The following RBM15 variants were observed in gnomAD, a reference collection of about 807,000 sequenced individuals.
RBM15 encodes the protein RNA binding motif protein 15, also known as RNA-binding protein 15.
RBM15 carries 8 observed loss-of-function variants against 62.6 expected under a neutral mutation model. The observed-to-expected ratio is 0.13, with a 90% CI of 0.07 to 0.23. The LOEUF is 0.23. RBM15 is among the 10% of genes least tolerant of loss of function. The pLI is 1.00. For synonymous variants in RBM15, 606 were observed against 505.7 expected (o/e 1.20, Z -2.66); for missense variants, 1,144 against 1,286.5 (o/e 0.89, Z 1.69).
At position 110,340,005 on chromosome 1, in the gene RBM15, A is replaced by G. The variant is rs61746123; in HGVS notation, c.600A>G (p.Val200=). The change falls in exon 1 of 3, where the codon GTA becomes GTG. Residue 200 remains valine, a synonymous_variant. Transcript: ENST00000369784. This position sits in a 1 kb window ranked among gnomAD's most constrained non-coding sequence, Gnocchi z 5.8. ...ATGAGTTCAAACGCTTCGGTGATGTAAGTGTGAAAATCAGTCATCTGTCGG... is the reference window on the plus strand; with the variant it reads ...ATGAGTTCAAACGCTTCGGTGATGTGAGTGTGAAAATCAGTCATCTGTCGG... ...LFHEFKRFGD[V]SVKISHLSGS... 3.3e-3 allele frequency: 5,298 copies of G among 1,614,084 alleles called. 18 individuals are homozygous for G. The highest frequency in any genetic ancestry group is 3.7e-3 in the Non-Finnish European group (4,400 of 1,180,000).
At chr1:110,344,503 G>A (rs1171042610) in intron 1 of RBM15, among the ~76,000 whole-genome samples, 1 of 151,930 alleles carries the variant, frequency 6.6e-6, no homozygotes, top group East Asian at 1.9e-4. Flanking sequence ...TGCCGCTTTT[G>A]TTAGGTCTGG....
In RBM15 at chr1:110,339,401, G is replaced by C; in HGVS notation, c.-5G>C. On this transcript the variant is annotated 5_prime_UTR_variant, in exon 1 of 3. Coordinates refer to ENST00000369784, the MANE Select transcript of RBM15 (RefSeq NM_022768.5). ...TGAGACTGTAGAAGAGAGAGCAATT[G>C]GCCAATGAGGACTGCGGGGCGGGAC... The C allele has an allele frequency of 6.6e-7, 1 of 1,510,606 alleles. No homozygotes were observed. Among genetic ancestry groups the C allele is most frequent in the Non-Finnish European group, 8.9e-7 (1 of 1,129,322 alleles). The allele number at this position is 1,510,606 out of a possible 1,614,324, so 93.6% of individuals were successfully genotyped here. A position where few individuals can be genotyped will look rare whatever the true frequency, so the allele number is the denominator to read the frequency against.
At chr1:110,343,692 C>CT (rs1660846423) in intron 1 of RBM15, among the ~76,000 whole-genome samples, 2 of 152,084 alleles carry the variant, frequency 1.3e-5, no homozygotes, top group African/African-American at 4.8e-5. Context: ...AAGACTTCAG[C>CT]TAAGGCCCTT....
At position 110,341,992 on chromosome 1, in the gene RBM15, G is replaced by A. The variant is rs779571058; in HGVS notation, c.2587G>A (p.Val863Met). 1 of 1,614,218 alleles carries A rather than the reference G, an allele frequency of 6.2e-7. No individual in the cohort carries two copies. Among genetic ancestry groups the A allele is most frequent in the Non-Finnish European group, 8.5e-7 (1 of 1,180,048 alleles). ...CAATGGTTATGCCATTCTTTTGGCT[G>A]TGCCTGGAAGTTCTGACAGCCGGTC... ...GPNGYAILLAVPGSSDSRSSS... is the reference protein window; with the variant it reads ...GPNGYAILLAMPGSSDSRSSS... The change falls in exon 1 of 3, where the codon GTG becomes ATG. Residue 863 changes from valine to methionine, a missense_variant. Physicochemically the swap from Val to Met is conservative, Grantham distance 21. Around this residue, in one of 8 missense-constraint regions of RBM15, gnomAD observed 144 missense variants for 223.3 expected, o/e 0.64. Coordinates refer to ENST00000369784, the MANE Select transcript of RBM15 (RefSeq NM_022768.5). This position sits in a 1 kb window ranked among gnomAD's most constrained non-coding sequence, Gnocchi z 4.5.
Position 110,339,713 on chromosome 1 carries a change from C to T in RBM15, c.308C>T (p.Ser103Phe). 6.2e-7 allele frequency: 1 copy of T among 1,612,964 alleles called. No individual in the cohort carries two copies. The highest frequency in any genetic ancestry group is 8.5e-7 in the Non-Finnish European group (1 of 1,179,862). The change falls in exon 1 of 3, where the codon TCC (serine) becomes TTC (phenylalanine). Residue 103 changes from serine to phenylalanine, a missense_variant. Transcript: ENST00000369784. ...CGGCGGAGTCTCCACCTGGACAAGT[C>T]CAGCAGTCGAGGTGGCAGCCGCGAG... is the stretch of plus-strand genomic sequence containing the variant. ...GSRRSLHLDK[S>F]SSRGGSREYD... is the part of the protein sequence containing the mutation.
At position 110,341,678 on chromosome 1, in the gene RBM15, C is replaced by G; in HGVS notation, c.2273C>G (p.Thr758Ser). Residue 758 changes from threonine to serine, a missense_variant, in exon 1 of 3, where the codon ACT (threonine) becomes AGT (serine). This residue lies in a region of RBM15 where 360 missense variants were observed against 342.9 expected (regional missense o/e 1.05). Coordinates refer to ENST00000369784, the MANE Select transcript of RBM15 (RefSeq NM_022768.5). This position sits in a 1 kb window ranked among gnomAD's most constrained non-coding sequence, Gnocchi z 4.5. ...GATGGGAGTGCACCTAGCACCAGCA[C>G]TGCTTCCTCCAAGCTGAAGTCCCCG... Reference protein sequence around the residue: ...RSDGSAPSTSTASSKLKSPSQ... With the variant: ...RSDGSAPSTSSASSKLKSPSQ... 14 of 1,614,192 alleles carry G rather than the reference C, an allele frequency of 8.7e-6. No homozygotes were observed. The highest frequency in any genetic ancestry group is 1.2e-5 in the Non-Finnish European group (14 of 1,180,038).
At position 110,346,399 on chromosome 1, in the gene RBM15, G is replaced by A; in HGVS notation, c.*132G>A. On this transcript the variant is annotated 3_prime_UTR_variant, in exon 3 of 3. Coordinates refer to ENST00000369784, the MANE Select transcript of RBM15 (RefSeq NM_022768.5). Reference sequence around the variant, plus strand: ...GTTGTGGCTTATGTGGAGTTTACATGGGCCTCTGATGGAAGAAAGCTAATC... The same window carrying A: ...GTTGTGGCTTATGTGGAGTTTACATAGGCCTCTGATGGAAGAAAGCTAATC... The A allele has an allele frequency of 1.3e-6, 2 of 1,539,780 alleles. No homozygotes were observed. The highest frequency in any genetic ancestry group is 2.2e-5 in the South Asian group (2 of 89,426).
At position 110,339,648 on chromosome 1, in the gene RBM15, T is replaced by C. The variant is rs529936420; in HGVS notation, c.243T>C (p.Asn81=). The part of the protein sequence containing the change: ...SKKLGGSGGS[N]GSSSGKTDSG... ...AGTTAGGGGGCTCTGGTGGCAGCAA[T>C]GGGAGCAGCAGCGGAAAGACCGATA... The change falls in exon 1 of 3, where the codon AAT becomes AAC. Residue 81 remains asparagine, a synonymous_variant. Transcript: ENST00000369784. 49 of 1,613,146 alleles carry C rather than the reference T, an allele frequency of 3.0e-5. 1 individual carries two copies. In the South Asian group the frequency reaches 4.9e-4, roughly 16 times the overall value.
rs377259804 is a variant in RBM15, at chr1:110,341,719, G to C, written c.2314G>C (p.Gly772Arg). The C allele has an allele frequency of 3.1e-6, 5 of 1,614,146 alleles. No individual in the cohort carries two copies. The highest frequency in any genetic ancestry group is 1.7e-5 in the Admixed American group (1 of 60,032). ...KLKSPSQKQD[G>R]GTAPVASASP... ...GAAGTCCCCGTCCCAGAAACAGGAT[G>C]GGGGGACAGCCCCTGTGGCATCAGC... Residue 772 changes from glycine (G) to arginine (R), a missense_variant, in exon 1 of 3, where the codon GGG becomes CGG. By Grantham distance (125) the Gly-to-Arg change is moderately radical. Coordinates refer to ENST00000369784, the MANE Select transcript of RBM15 (RefSeq NM_022768.5). This position sits in a 1 kb window ranked among gnomAD's most constrained non-coding sequence, Gnocchi z 4.5.
In RBM15 at chr1:110,341,243, G is replaced by T. The variant is rs913982595; in HGVS notation, c.1838G>T (p.Ser613Ile). Residue 613 changes from serine (S) to isoleucine (I), a missense_variant, in exon 1 of 3, where the codon AGC (serine) becomes ATC (isoleucine). By Grantham distance (142) the Ser-to-Ile change is moderately radical (BLOSUM62 -2). This residue lies in a region of RBM15 where 360 missense variants were observed against 342.9 expected (regional missense o/e 1.05). Coordinates refer to ENST00000369784, the MANE Select transcript of RBM15 (RefSeq NM_022768.5). The surrounding 1 kb of genome is among the most constrained non-coding windows in gnomAD (Gnocchi z 4.5). ...GTGCCTGCTTACGAGCCACTGGATA[G>T]CCTAGATCGCAGGCGGGATGGTTGG... is the stretch of plus-strand genomic sequence containing the variant. ...TSVPAYEPLD[S>I]LDRRRDGWSL... The T allele has an allele frequency of 8.7e-6, 14 of 1,614,148 alleles. No homozygotes were observed. The highest frequency in any genetic ancestry group is 1.1e-5 in the Non-Finnish European group (13 of 1,180,030).
In RBM15 at chr1:110,345,654, C is replaced by A. The variant is rs1660883450; in HGVS notation, c.*40+5C>A. On this transcript the variant is annotated splice_donor_5th_base_variant and intron_variant, in intron 2 of 2. Coordinates refer to ENST00000369784, the MANE Select transcript of RBM15 (RefSeq NM_022768.5). The stretch of plus-strand genomic sequence containing the variant: ...AAAGGGAGGAAATGATTTCAGGTAA[C>A]CACAGTGAAATGTTAAGCTGAATGA... The A allele has an allele frequency of 6.6e-7, 1 of 1,506,586 alleles. No individual in the cohort carries two copies. Among genetic ancestry groups the A allele is most frequent in the South Asian group, 1.2e-5 (1 of 80,006 alleles). The allele number at this position is 1,506,586 out of a possible 1,614,324, so 93.3% of individuals were successfully genotyped here.
Position 110,341,463 on chromosome 1 carries a change from C to T in RBM15, c.2058C>T (p.Ser686=). The change falls in exon 1 of 3, where the codon AGC becomes AGT. Residue 686 remains serine (S), a synonymous_variant. Transcript: ENST00000369784. This position sits in a 1 kb window ranked among gnomAD's most constrained non-coding sequence, Gnocchi z 4.5. ...GCAGTAGCCGGGATCGTTACAACAG[C>T]GACAATGATCGATCTTCCCGTCTTC... ...ELSSSRDRYN[S]DNDRSSRLLL... 6.2e-7 allele frequency: 1 copy of T among 1,614,108 alleles called. No homozygotes were observed. The highest frequency in any genetic ancestry group is 1.1e-5 in the South Asian group (1 of 91,086).
In RBM15 at chr1:110,339,449, G is replaced by C. The variant is rs771484581; in HGVS notation, c.44G>C (p.Arg15Thr). 18 of 1,543,586 alleles carry C rather than the reference G, an allele frequency of 1.2e-5. No individual in the cohort carries two copies. The highest frequency in any genetic ancestry group is 1.6e-5 in the Non-Finnish European group (18 of 1,142,162). Residue 15 changes from arginine (R) to threonine (T), a missense_variant, in exon 1 of 3, where the codon AGA (arginine) becomes ACA (threonine). Coordinates refer to ENST00000369784, the MANE Select transcript of RBM15 (RefSeq NM_022768.5). ...GRDPVPRRSP[R>T]WRRAVPLCET... is the part of the protein sequence containing the mutation. ...GACCCTGTGCCGCGGCGGAGTCCAA[G>C]ATGGCGGCGTGCGGTTCCGCTGTGT...
rs1047227128 is a variant in RBM15, at chr1:110,339,436, C to T, written c.31C>T (p.Arg11Trp). Residue 11 changes from arginine to tryptophan, a missense_variant, in exon 1 of 3, where the codon CGG becomes TGG. By Grantham distance (101) the Arg-to-Trp change is moderately radical (BLOSUM62 -3). This residue lies in a region of RBM15 where 298 missense variants were observed against 250.0 expected (regional missense o/e 1.19). Coordinates refer to ENST00000369784, the MANE Select transcript of RBM15 (RefSeq NM_022768.5). MRTAGRDPVP[R>W]RSPRWRRAVP... ...GACTGCGGGGCGGGACCCTGTGCCG[C>T]GGCGGAGTCCAAGATGGCGGCGTGC... is the stretch of plus-strand genomic sequence containing the variant. 1 of 1,534,042 alleles carries T rather than the reference C, an allele frequency of 6.5e-7. No homozygotes were observed. The highest frequency in any genetic ancestry group is 8.8e-7 in the Non-Finnish European group (1 of 1,138,396).
intron 1 of RBM15, chr1:110,342,505 G>GCAGA (rs1365974789): frequency 2.5e-6 from 1 of 403,644 alleles, no homozygotes; most frequent in African/African-American, 2.1e-5. Context: ...TAGCAGGCAG[G>GCAGA]CAGACAGATT....
At chr1:110,346,184 G>A (rs934176025) in intron 2 of RBM15, 124 bp from the exon 3 acceptor site, 189 of 929,084 alleles carry the variant, frequency 2.0e-4, no homozygotes, top group Non-Finnish European at 2.8e-4. Flanking sequence ...TTGAAGTTGA[G>A]GTGAACCATC....
At chr1:110,345,970 A>G (rs1660890331) in intron 2 of RBM15, among the ~76,000 whole-genome samples, 1 of 152,092 alleles carries the variant, frequency 6.6e-6, no homozygotes, top group African/African-American at 2.4e-5. Context: ...GAATATATTG[A>G]TAGATTATAA....
rs375669715 is a variant in RBM15 at position 110,346,303 on chromosome 1, G to A, written c.*41-5G>A. 7 of 1,597,738 alleles carry A rather than the reference G, an allele frequency of 4.4e-6. No individual in the cohort carries two copies. The East Asian group carries it at 6.7e-5, about 15-fold the overall frequency. On this transcript the variant is annotated splice_region_variant and splice_polypyrimidine_tract_variant and intron_variant, in intron 2 of 2. Coordinates refer to ENST00000369784, the MANE Select transcript of RBM15 (RefSeq NM_022768.5). ...GAATAACCTTTTTTTCCCCCCCTCC[G>A]CAAGCAAAACTGGTTGAACAGCGGA...
chr1:110,341,659 A>G lies in RBM15; in HGVS notation c.2254A>G (p.Ser752Gly), dbSNP rs368803453. The change falls in exon 1 of 3, where the codon AGT becomes GGT. Residue 752 changes from serine (S) to glycine (G), a missense_variant. Physicochemically the swap from Ser to Gly is moderately conservative, Grantham distance 56. Transcript: ENST00000369784. The surrounding 1 kb of genome is among the most constrained non-coding windows in gnomAD (Gnocchi z 4.5). ...GAAAAAAGAAGACCGCTCTGATGGG[A>G]GTGCACCTAGCACCAGCACTGCTTC... ...PLKKEDRSDG[S>G]APSTSTASSK... is the part of the protein sequence containing the mutation. 1 of 1,614,140 alleles carries G rather than the reference A, an allele frequency of 6.2e-7. No homozygotes were observed. Among genetic ancestry groups the G allele is most frequent in the Non-Finnish European group, 8.5e-7 (1 of 1,180,026 alleles).
Sources: allele counts gnomAD v4.1 joint callset (sites outside exome capture counted in the v4.1 genomes callset), GRCh38; gene constraint gnomAD v4.1.1; regional missense constraint gnomAD v4.1.1; non-coding constraint Gnocchi (gnomAD v3.1); transcripts MANE v1.5; gene names NCBI Gene and HGNC (gene_info 2026-07-23, HGNC 2026-07-21).